The following IL17RD variants were observed in gnomAD, a reference collection of about 807,000 sequenced individuals.
IL17RD encodes the protein interleukin 17 receptor D.
IL17RD carries 52 observed loss-of-function variants against 80.5 expected under a neutral mutation model. The observed-to-expected ratio is 0.65, with a 90% CI of 0.52 to 0.81. The LOEUF is 0.81. IL17RD is among the 40% of genes least tolerant of loss of function. IL17RD has a pLI of 0.00. For synonymous variants in IL17RD, 416 were observed against 391.8 expected, an observed-to-expected ratio of 1.06 and a Z score of -0.73; for missense variants, 1,024 against 955.1, an observed-to-expected ratio of 1.07 and a Z score of -0.95.
intron 3 of IL17RD, among the ~76,000 whole-genome samples, chr3:57,111,971 A>G (rs1034412415): frequency 6.0e-4 from 91 of 151,714 alleles, no homozygotes; most frequent in African/African-American, 1.6e-3. Context: ...CAAAAAAAAA[A>G]AAAGAAAGAA....
intron 1 of IL17RD, among the ~76,000 whole-genome samples, chr3:57,140,039 A>C (rs1047589361): frequency 2.0e-5 from 3 of 152,136 alleles, no homozygotes; most frequent in African/African-American, 7.2e-5. Flanking sequence ...AAAGTACTGA[A>C]AAGACTGCTA....
chr3:57,165,322 C>A lies in IL17RD; in HGVS notation c.-36G>T, dbSNP rs111756850. Reference sequence around the variant, plus strand: ...TCGCCCAGCCAGGCCGTTCTCTGCGCCCCGGCCGCCCGCCGCTGGCCAGCC... The same window carrying A: ...TCGCCCAGCCAGGCCGTTCTCTGCGACCCGGCCGCCCGCCGCTGGCCAGCC... On this transcript the variant is annotated 5_prime_UTR_variant, in exon 1 of 13. Coordinates refer to ENST00000296318, the MANE Select transcript of IL17RD (RefSeq NM_017563.5). The A allele has an allele frequency of 0.088, 115,710 of 1,319,672 alleles. 5,699 individuals are homozygous for A. Among genetic ancestry groups the A allele is most frequent in the Non-Finnish European group, 0.1 (103,439 of 1,030,548 alleles). 81.7% of individuals were successfully genotyped at this position (1,319,672 alleles called of 1,614,324 possible).
In IL17RD at chr3:57,127,383, A is replaced by T. The variant is rs1381537579; in HGVS notation, c.127-7070T>A. 2.5e-4 allele frequency among the ~76,000 whole-genome samples: 23 copies of T among 91,956 alleles called. 1 individual carries two copies. The highest frequency in any genetic ancestry group is 9.6e-4 in the South Asian group (3 of 3,116). 60.3% of individuals were successfully genotyped at this position (91,956 alleles called of 152,430 possible). A position where few individuals can be genotyped will look rare whatever the true frequency, so the allele number is the denominator to read the frequency against. Reference sequence around the variant, plus strand: ...AAATATAAATATATATATATAAATAAATAAATAAATAAATATATATATATA... The same window carrying T: ...AAATATAAATATATATATATAAATATATAAATAAATAAATATATATATATA... On this transcript the variant is annotated intron_variant, in intron 1 of 12. Coordinates refer to ENST00000296318, the MANE Select transcript of IL17RD (RefSeq NM_017563.5).
chr3:57,134,344 G>A (rs970611153), intron 1 of IL17RD: 12 of 689,292 alleles, frequency 1.7e-5, no homozygotes, highest in Admixed American at 7.3e-5. Context: ...ACCTTGGCCC[G>A]CTGGAAGGGC....
rs189706100 is a variant in IL17RD at position 57,117,981 on chromosome 3, A to T, written c.184+2275T>A. On this transcript the variant is annotated intron_variant, in intron 2 of 12. Transcript: ENST00000296318. ...TGTGGGCCAAATATTTGGTATTATTAAAAAAACAGCAAGATACTTTAAAGT... is the reference window on the plus strand; with the variant it reads ...TGTGGGCCAAATATTTGGTATTATTTAAAAAACAGCAAGATACTTTAAAGT... Among the ~76,000 whole-genome samples, 19 of 152,334 alleles carry T rather than the reference A, an allele frequency of 1.2e-4. 1 individual carries two copies. Among genetic ancestry groups the T allele is most frequent in the Non-Finnish European group, 8.8e-5 (6 of 68,024 alleles).
At chr3:57,121,359 C>G (rs772234255) in intron 1 of IL17RD, among the ~76,000 whole-genome samples, 4 of 152,194 alleles carry the variant, frequency 2.6e-5, no homozygotes, top group Admixed American at 6.5e-5. Context: ...CCATATGCCA[C>G]AGGCATCTTC....
intron 1 of IL17RD, chr3:57,134,038 A>G (rs1707667885): frequency 2.8e-6 from 1 of 354,890 alleles, no homozygotes; most frequent in Non-Finnish European, 5.2e-6. Flanking sequence ...AAAAGCAGTG[A>G]TTAATTCTTT....
chr3:57,104,681 CT>C (rs891478446), intron 7 of IL17RD, among the ~76,000 whole-genome samples: 2 of 152,208 alleles, frequency 1.3e-5, no homozygotes, highest in Non-Finnish European at 2.9e-5. Flanking sequence ...GACAAAGAAA[CT>C]GGTTTGAACA....
At chr3:57,109,273 C>T (rs903347448) in intron 5 of IL17RD, among the ~76,000 whole-genome samples, 2 of 151,910 alleles carry the variant, frequency 1.3e-5, no homozygotes, top group African/African-American at 2.4e-5. Context: ...CTTAGCCTCC[C>T]GAGTAGTGGG....
At chr3:57,111,361 A>G (rs1270575855) in intron 3 of IL17RD, among the ~76,000 whole-genome samples, 3 of 152,180 alleles carry the variant, frequency 2.0e-5, no homozygotes, top group Non-Finnish European at 4.4e-5. Flanking sequence ...ACAGCTTCAC[A>G]TTTTAGGGTT....
At chr3:57,122,807 T>G (rs1707370251) in intron 1 of IL17RD, among the ~76,000 whole-genome samples, 1 of 144,804 alleles carries the variant, frequency 6.9e-6, no homozygotes, top group Non-Finnish European at 1.5e-5. Context: ...TTGAGGAAGA[T>G]CAAATGAAGC....
intron 1 of IL17RD, among the ~76,000 whole-genome samples, chr3:57,154,919 C>T (rs1049434538): frequency 6.6e-6 from 1 of 152,044 alleles, no homozygotes; most frequent in Non-Finnish European, 1.5e-5. Context: ...CAGTCTCCCA[C>T]AAAAAAGCCC....
chr3:57,111,817 C>G (rs1363803600), intron 3 of IL17RD, among the ~76,000 whole-genome samples: 1 of 151,238 alleles, frequency 6.6e-6, no homozygotes, highest in Non-Finnish European at 1.5e-5. Flanking sequence ...AAAAAATCAG[C>G]TGGGCACAGT....
chr3:57,096,475 TTGGA>T lies in IL17RD; in HGVS notation c.2134_2137del (p.Lys713SerfsTer58), dbSNP rs1560192174. On this transcript the variant is annotated frameshift_variant, in exon 13 of 13. Transcript: ENST00000296318. LOFTEE classifies it high-confidence loss of function. Reference sequence around the variant, plus strand: ...TTTGCATGACCCAGAAGAGAGGAGCTTGGAAGGAAGGGCAGGAGGTTCCTCCTCA... The same window carrying T: ...TTTGCATGACCCAGAAGAGAGGAGCTAGGAAGGGCAGGAGGTTCCTCCTCA... 1 of 1,613,578 alleles carries T rather than the reference TTGGA, an allele frequency of 6.2e-7. No individual in the cohort carries two copies. Among genetic ancestry groups the T allele is most frequent in the Non-Finnish European group, 8.5e-7 (1 of 1,179,716 alleles).
In IL17RD at chr3:57,162,292, G is replaced by GC. The variant is rs376892333; in HGVS notation, c.126+2868dup. Among the ~76,000 whole-genome samples, 844 of 152,344 alleles carry GC rather than the reference G, an allele frequency of 5.5e-3. 9 individuals are homozygous for GC. The highest frequency in any genetic ancestry group is 0.019 in the African/African-American group (786 of 41,580). On this transcript the variant is annotated intron_variant, in intron 1 of 12. Coordinates refer to ENST00000296318, the MANE Select transcript of IL17RD (RefSeq NM_017563.5). ...TCAGGACTTGGTGCTGCACCTTGCT[G>GC]CCCCCTCTCAGGTTCTGAGTATGGC...
intron 1 of IL17RD, among the ~76,000 whole-genome samples, chr3:57,135,812 A>C (rs1044313067): frequency 2.6e-5 from 4 of 152,192 alleles, no homozygotes; most frequent in Non-Finnish European, 5.9e-5. Context: ...GGAAAACACC[A>C]TTAGTAGGAA....
chr3:57,122,627 C>A (rs923920248), intron 1 of IL17RD, among the ~76,000 whole-genome samples: 1 of 152,142 alleles, frequency 6.6e-6, no homozygotes, highest in Admixed American at 6.5e-5. Context: ...CGAAACCATC[C>A]CCTACTGACC....
At position 57,097,766 on chromosome 3, in the gene IL17RD, A is replaced by G. The variant is rs984109101; in HGVS notation, c.1937T>C (p.Leu646Pro). The G allele has an allele frequency of 6.2e-7, 1 of 1,602,972 alleles. No individual in the cohort carries two copies. Among genetic ancestry groups the G allele is most frequent in the African/African-American group, 1.3e-5 (1 of 74,762 alleles). The change falls in exon 12 of 13, where the codon CTG becomes CCG. Residue 646 changes from leucine to proline, a missense_variant. Transcript: ENST00000296318. ...ALDGSAALQP[L>P]LHTVKAGSPS... ...GCTGCCGGCTTTCACCGTGTGCAGC[A>G]GGGGTTGCAGGGCGGCGCTACCGTC...
At chr3:57,114,020 C>A (rs1054679407) in intron 3 of IL17RD, among the ~76,000 whole-genome samples, 1 of 151,700 alleles carries the variant, frequency 6.6e-6, no homozygotes, top group Admixed American at 6.6e-5. Flanking sequence ...CCCATCTCTA[C>A]TAAAAATACA....
Sources: allele counts gnomAD v4.1 joint callset (sites outside exome capture counted in the v4.1 genomes callset), GRCh38; gene constraint gnomAD v4.1.1; transcripts MANE v1.5; gene names NCBI Gene and HGNC (gene_info 2026-07-23, HGNC 2026-07-21).